CSDE1: variants seen among roughly 807,000 people sequenced by gnomAD.
CSDE1 encodes the protein cold shock domain containing E1.
A neutral mutation model predicts 89.3 loss-of-function variants in CSDE1; 17 were observed. That is an observed-to-expected ratio of 0.19 (90% CI 0.13 to 0.29). The LOEUF (loss-of-function observed/expected upper bound fraction) is 0.29. Ranked by LOEUF, CSDE1 falls within the 10% of genes least tolerant of loss-of-function variation. CSDE1 has a pLI of 1.00. For synonymous variants in CSDE1, 322 were observed against 332.8 expected, an observed-to-expected ratio of 0.97 and a Z score of 0.35; for missense variants, 672 against 984.2, an observed-to-expected ratio of 0.68 and a Z score of 4.24.
chr1:114,731,292 T>TA (rs1389964497), intron 10 of CSDE1, among the ~76,000 whole-genome samples: 1 of 151,758 alleles, frequency 6.6e-6, no homozygotes, highest in African/African-American at 2.4e-5. Flanking sequence ...AAATATGACC[T>TA]AAACAATATT....
At chr1:114,737,865 C>T (rs1488483070) in intron 4 of CSDE1, 98 bp downstream of exon 4, 10 of 841,028 alleles carry the variant, frequency 1.2e-5, no homozygotes, top group South Asian at 7.2e-5. Context: ...AGCTCTCTTT[C>T]GTGCAAACTG....
At chr1:114,727,559 G>A (rs1259332474) in intron 12 of CSDE1, among the ~76,000 whole-genome samples, 1 of 152,066 alleles carries the variant, frequency 6.6e-6, no homozygotes, top group Non-Finnish European at 1.5e-5. Context: ...AGGATAATTT[G>A]GTGTATGATC....
At chr1:114,756,338 A>G (rs1406252908) in intron 1 of CSDE1, among the ~76,000 whole-genome samples, 1 of 152,234 alleles carries the variant, frequency 6.6e-6, no homozygotes, top group Non-Finnish European at 1.5e-5. Context: ...AAACAAAAAG[A>G]AGGCCAAATA....
intron 6 of CSDE1, among the ~76,000 whole-genome samples, chr1:114,734,900 A>G (rs1660312220): frequency 6.6e-6 from 1 of 152,224 alleles, no homozygotes; most frequent in Non-Finnish European, 1.5e-5. Context: ...CTAAAGTCTT[A>G]TAAAGGTTAT....
At chr1:114,728,559 A>G (rs1016161314) in intron 12 of CSDE1, among the ~76,000 whole-genome samples, 5 of 152,208 alleles carry the variant, frequency 3.3e-5, no homozygotes, top group Non-Finnish European at 5.9e-5. Context: ...ATGGCAGGGA[A>G]AGTCTCACAC....
chr1:114,730,612 T>TGAAACC lies in CSDE1; in HGVS notation c.1081_1086dup (p.Gly361_Phe362dup). ...CGAACATCACGATCCACACACTTGATGAAACCAAAACCATCTCTCATGGCA... is the reference window on the plus strand; with the variant it reads ...CGAACATCACGATCCACACACTTGATGAAACCGAAACCAAAACCATCTCTCATGGCA... On this transcript the variant is annotated inframe_insertion, in exon 11 of 20. Transcript: ENST00000358528. 1 of 1,613,964 alleles carries TGAAACC rather than the reference T, an allele frequency of 6.2e-7. No homozygotes were observed. Among genetic ancestry groups the TGAAACC allele is most frequent in the Non-Finnish European group, 8.5e-7 (1 of 1,180,018 alleles).
At chr1:114,721,884 C>CTT (rs77950889) in intron 16 of CSDE1, among the ~76,000 whole-genome samples, 70 of 128,176 alleles carry the variant, frequency 5.5e-4, no homozygotes, top group African/African-American at 1.8e-3. Flanking sequence ...CCACACCTGA[C>CTT]TTTTTTTTTT....
intron 2 of CSDE1, among the ~76,000 whole-genome samples, chr1:114,746,368 G>A (rs1255758138): frequency 2.0e-5 from 3 of 151,862 alleles, no homozygotes; most frequent in Admixed American, 6.6e-5. Context: ...TCACATTAGC[G>A]AAATCAGGTT....
intron 2 of CSDE1, among the ~76,000 whole-genome samples, chr1:114,748,001 GAAGA>G (rs1661109200): frequency 6.6e-6 from 1 of 152,108 alleles, no homozygotes; most frequent in African/African-American, 2.4e-5. Context: ...GCTAAGGTAA[GAAGA>G]AACAAATAGA....
At chr1:114,752,816 C>T (rs1661377980) in intron 1 of CSDE1, among the ~76,000 whole-genome samples, 1 of 152,222 alleles carries the variant, frequency 6.6e-6, no homozygotes, top group Non-Finnish European at 1.5e-5. Context: ...TGATACCAAG[C>T]AATTTCTGTA....
intron 2 of CSDE1, among the ~76,000 whole-genome samples, chr1:114,740,251 A>C (rs185771576): frequency 1.3e-3 from 197 of 152,388 alleles, no homozygotes; most frequent in African/African-American, 4.6e-3. Context: ...ATTAAGAGAC[A>C]GCGACCACAA....
At chr1:114,729,612 T>A (rs1021373399) in intron 12 of CSDE1, among the ~76,000 whole-genome samples, 11 of 152,026 alleles carry the variant, frequency 7.2e-5, no homozygotes, top group Non-Finnish European at 1.3e-4. Context: ...CTGTGAAGAA[T>A]GCTCTTTCCT....
chr1:114,718,761 A>G lies in CSDE1; in HGVS notation c.2217-16T>C. The G allele has an allele frequency of 1.2e-6, 2 of 1,612,320 alleles. No homozygotes were observed. The highest frequency in any genetic ancestry group is 1.7e-6 in the Non-Finnish European group (2 of 1,179,274). On this transcript the variant is annotated splice_polypyrimidine_tract_variant and intron_variant, in intron 18 of 19. Coordinates refer to ENST00000358528, the MANE Select transcript of CSDE1 (RefSeq NM_001007553.3). ...GGGGCCCTCACTGTAATTAAGTCAA[A>G]AGATGAGAAGAAACCACACTTGGTG...
At chr1:114,733,883 T>TG (rs1660247488) in intron 8 of CSDE1, 26 bp from the exon 9 acceptor site, 1 of 1,612,074 alleles carries the variant, frequency 6.2e-7, no homozygotes, top group African/African-American at 1.3e-5. Flanking sequence ...TTGGAGGTGG[T>TG]GGGGGGACAG....
chr1:114,730,070 A>C (rs964921869), intron 12 of CSDE1, among the ~76,000 whole-genome samples, 188 bp downstream of exon 12: 1 of 152,338 alleles, frequency 6.6e-6, no homozygotes, highest in South Asian at 2.1e-4. Flanking sequence ...ACAGTAAAGA[A>C]TCATTCATCC....
intron 16 of CSDE1, among the ~76,000 whole-genome samples, chr1:114,721,338 G>A (rs1659509197): frequency 6.6e-6 from 1 of 152,140 alleles, no homozygotes; most frequent in Non-Finnish European, 1.5e-5. Context: ...AAAACAATAT[G>A]TAAACAAATG....
At chr1:114,721,069 C>G (rs1025893889) in intron 16 of CSDE1, among the ~76,000 whole-genome samples, 3 of 152,194 alleles carry the variant, frequency 2.0e-5, no homozygotes, top group Admixed American at 1.3e-4. Context: ...CCCAAGTTCA[C>G]AATATGAGCC....
intron 1 of CSDE1, among the ~76,000 whole-genome samples, chr1:114,756,577 T>C (rs777571346): frequency 2.0e-5 from 3 of 152,208 alleles, no homozygotes; most frequent in Non-Finnish European, 4.4e-5. Context: ...ATTTGAAACC[T>C]ACATTCTAAA....
chr1:114,726,536 C>T (rs887499958), intron 13 of CSDE1, 150 bp from the exon 14 acceptor site: 1 of 616,006 alleles, frequency 1.6e-6, no homozygotes, highest in African/African-American at 1.9e-5. Context: ...TTCACCAAAA[C>T]ATTTATGTCT....
Sources: allele counts gnomAD v4.1 joint callset (sites outside exome capture counted in the v4.1 genomes callset), GRCh38; gene constraint gnomAD v4.1.1; transcripts MANE v1.5; gene names NCBI Gene and HGNC (gene_info 2026-07-23, HGNC 2026-07-21).